DNAH11: variants seen among roughly 807,000 people sequenced by gnomAD.
DNAH11 encodes the protein dynein axonemal heavy chain 11, also known as axonemal beta dynein heavy chain 11.
DNAH11 carries 442 observed loss-of-function variants against 526.0 expected under a neutral mutation model. That is an observed-to-expected ratio of 0.84 (90% CI 0.78 to 0.91). The LOEUF (loss-of-function observed/expected upper bound fraction) is 0.91. DNAH11 is among the 40% of genes least tolerant of loss of function. The pLI, the probability that DNAH11 is intolerant of heterozygous loss-of-function variation, is 0.00. For missense variants in DNAH11, 6,989 were observed against 5,448.7 expected (o/e 1.28, Z -8.90); for synonymous variants, 2,461 against 1,935.9 (o/e 1.27, Z -7.12).
rs1026816105 is a variant in DNAH11, at chr7:21,861,907, A to G, written c.11257A>G (p.Met3753Val). 4 of 1,613,688 alleles carry G rather than the reference A, an allele frequency of 2.5e-6. No homozygotes were observed. Among genetic ancestry groups the G allele is most frequent in the Non-Finnish European group, 3.4e-6 (4 of 1,179,772 alleles). ...CGAGCAGGCTGACAAGGTGGAAGAC[A>G]TGCAGGGACGCATCTCTATCCTGAT... ...AIEQADKVEDMQGRISILMES... is the reference protein window; with the variant it reads ...AIEQADKVEDVQGRISILMES... The change falls in exon 69 of 82, where the codon ATG (methionine) becomes GTG (valine). Residue 3753 changes from methionine to valine, a missense_variant. Transcript: ENST00000409508.
rs1280186702 is a variant in DNAH11 at position 21,880,097 on chromosome 7, AAAAAG to A, written c.12196-601_12196-597del. On this transcript the variant is annotated intron_variant, in intron 74 of 81. Coordinates refer to ENST00000409508, the MANE Select transcript of DNAH11 (RefSeq NM_001277115.2). ...AAGACTCCGTCTCAAAAAAAAAAAA[AAAAAG>A]AAAGAAAGAAAAAAAGGGAAGAGTG... is the stretch of plus-strand genomic sequence containing the variant. Among the ~76,000 whole-genome samples, 76 of 152,028 alleles carry A rather than the reference AAAAAG, an allele frequency of 5.0e-4. No homozygotes were observed. The East Asian group carries it at 6.8e-3, about 14-fold the overall frequency.
At chr7:21,816,257 C>A (rs532214916) in intron 63 of DNAH11, among the ~76,000 whole-genome samples, 1 of 152,222 alleles carries the variant, frequency 6.6e-6, no homozygotes, top group South Asian at 2.1e-4. Context: ...TGTTGAATCC[C>A]ACAGTTCACA....
At chr7:21,595,041 G>T (rs1354257242) in intron 14 of DNAH11, among the ~76,000 whole-genome samples, 1 of 152,174 alleles carries the variant, frequency 6.6e-6, no homozygotes, top group Non-Finnish European at 1.5e-5. Context: ...TAATCTAGGG[G>T]TTCCGTATGT....
chr7:21,659,798 A>G (rs538887972), intron 30 of DNAH11, among the ~76,000 whole-genome samples: 34 of 152,242 alleles, frequency 2.2e-4, no homozygotes, highest in African/African-American at 7.5e-4. Flanking sequence ...CTGCTTTAGC[A>G]GTACTTTTAC....
At chr7:21,596,405 T>G (rs1784863637) in intron 14 of DNAH11, among the ~76,000 whole-genome samples, 1 of 152,190 alleles carries the variant, frequency 6.6e-6, no homozygotes, top group South Asian at 2.1e-4. Flanking sequence ...ATCTAGAAAT[T>G]AATTTGTTTT....
intron 2 of DNAH11, among the ~76,000 whole-genome samples, chr7:21,554,464 G>T (rs2128428840): frequency 6.6e-6 from 1 of 152,118 alleles, no homozygotes; most frequent in African/African-American, 2.4e-5. Flanking sequence ...CATGAGCCCT[G>T]CACCTGGCCC....
intron 2 of DNAH11, among the ~76,000 whole-genome samples, chr7:21,546,548 A>T (rs1340593791): frequency 1.3e-5 from 2 of 152,174 alleles, no homozygotes; most frequent in Non-Finnish European, 2.9e-5. Flanking sequence ...GCCTTTTTCA[A>T]ATTTCTCTAC....
intron 68 of DNAH11, among the ~76,000 whole-genome samples, chr7:21,856,016 T>C (rs1782833469): frequency 6.6e-6 from 1 of 152,012 alleles, no homozygotes; most frequent in Non-Finnish European, 1.5e-5. Flanking sequence ...TAAAGAGTGT[T>C]TGGAGAAAAC....
intron 36 of DNAH11, among the ~76,000 whole-genome samples, chr7:21,698,791 C>CT (rs554326315): frequency 3.5e-4 from 54 of 152,246 alleles, no homozygotes; most frequent in Non-Finnish European, 6.8e-4. Context: ...GTTCAAGTGT[C>CT]TTTTTCATAT....
chr7:21,851,659 G>A (rs1449329168), intron 66 of DNAH11: 1 of 471,216 alleles, frequency 2.1e-6, no homozygotes, highest in South Asian at 1.5e-5. Context: ...TCAAAGAAGT[G>A]TAGAGACTAC....
In DNAH11 at chr7:21,564,544, G is replaced by T. The variant is rs549830964; in HGVS notation, c.1194+147G>T. The T allele has an allele frequency of 6.7e-6, 4 of 594,144 alleles. No homozygotes were observed. The South Asian group carries it at 1.1e-4, about 17-fold the overall frequency. 36.8% of individuals were successfully genotyped at this position (594,144 alleles called of 1,614,324 possible). On this transcript the variant is annotated intron_variant, in intron 6 of 81. Transcript: ENST00000409508. Reference sequence around the variant, plus strand: ...AGGACATTTTTGGTAACAAAGGCCAGGTAACCTTTTAATCCTAAATGGCAG... The same window carrying T: ...AGGACATTTTTGGTAACAAAGGCCATGTAACCTTTTAATCCTAAATGGCAG...
chr7:21,900,383 C>G lies in DNAH11; in HGVS notation c.13303+263C>G, dbSNP rs529020996. The stretch of plus-strand genomic sequence containing the variant: ...AATGCCACTGAATAACATCATTAGA[C>G]TTAGACTGAATTTACATTCTTTTTG... On this transcript the variant is annotated intron_variant, in intron 81 of 81. Transcript: ENST00000409508. Among the ~76,000 whole-genome samples the G allele has an allele frequency of 1.5e-4, 22 of 151,428 alleles. 1 individual carries two copies. The highest frequency in any genetic ancestry group is 5.4e-4 in the African/African-American group (22 of 40,714).
chr7:21,749,830 A>T (rs1786331420), intron 53 of DNAH11, 29 bp downstream of exon 53: 2 of 1,611,590 alleles, frequency 1.2e-6, no homozygotes, highest in Admixed American at 3.3e-5. Context: ...TTCTTGAAAG[A>T]TCTTCCCCAA....
Position 21,863,280 on chromosome 7 carries a change from G to A in DNAH11, c.11374-1255G>A, listed in dbSNP as rs184832993. Among the ~76,000 whole-genome samples, 37 of 152,272 alleles carry A rather than the reference G, an allele frequency of 2.4e-4. No individual in the cohort carries two copies. The East Asian group carries it at 6.0e-3, about 25-fold the overall frequency. On this transcript the variant is annotated intron_variant, in intron 69 of 81. Transcript: ENST00000409508. Reference sequence around the variant, plus strand: ...TTTATACATATCTGCAGCTAATGATGAACTGTGTATGTAATAAACAGGAGC... The same window carrying A: ...TTTATACATATCTGCAGCTAATGATAAACTGTGTATGTAATAAACAGGAGC...
At chr7:21,630,953 T>C (rs938380568) in intron 25 of DNAH11, among the ~76,000 whole-genome samples, 1 of 152,222 alleles carries the variant, frequency 6.6e-6, no homozygotes, top group African/African-American at 2.4e-5. Flanking sequence ...TGTTAAGACT[T>C]GTTTTGTGGC....
rs201711952 is a variant in DNAH11 at position 21,786,301 on chromosome 7, C to CGTGTGTGTGT, written c.9598-323_9598-322insGTGTGTGTGT. 2.8e-3 allele frequency among the ~76,000 whole-genome samples: 321 copies of CGTGTGTGTGT among 115,694 alleles called. 1 individual carries two copies. Among genetic ancestry groups the CGTGTGTGTGT allele is most frequent in the Middle Eastern group, 0.012 (3 of 242 alleles). 75.9% of individuals were successfully genotyped at this position (115,694 alleles called of 152,430 possible). ...CTATAAATATCTTACAACATATACACATGTGTGTGTGTGTGTGTGTGTGTG... is the reference window on the plus strand; with the variant it reads ...CTATAAATATCTTACAACATATACACGTGTGTGTGTATGTGTGTGTGTGTGTGTGTGTGTG... On this transcript the variant is annotated intron_variant, in intron 58 of 81. Transcript: ENST00000409508.
intron 73 of DNAH11, among the ~76,000 whole-genome samples, chr7:21,872,121 C>G (rs1783517662): frequency 1.2e-4 from 1 of 8,006 alleles, no homozygotes; most frequent in Admixed American, 1.1e-3. Context: ...GAGACTCTGT[C>G]TCAAAAAAAA....
At chr7:21,671,619 T>C (rs777498403) in intron 30 of DNAH11, among the ~76,000 whole-genome samples, 3 of 152,176 alleles carry the variant, frequency 2.0e-5, no homozygotes, top group Non-Finnish European at 2.9e-5. Context: ...TTTGACGTTA[T>C]TGGTTTTCTC....
rs551651243 is a variant in DNAH11, at chr7:21,624,717, A to T, written c.4500+4639A>T. ...TTCAGCCTTTATTGTGCTGAAGTAC[A>T]TTCTTTATATGCCAATTTTGTTGGA... On this transcript the variant is annotated intron_variant, in intron 25 of 81. Transcript: ENST00000409508. 4.6e-5 allele frequency among the ~76,000 whole-genome samples: 7 copies of T among 152,262 alleles called. No homozygotes were observed. The South Asian group carries it at 1.4e-3, about 32-fold the overall frequency.
Sources: gnomAD v4.1 joint callset for allele counts (sites outside exome capture counted in the v4.1 genomes callset) on GRCh38, gnomAD v4.1.1 for gene constraint, MANE v1.5 for transcripts, NCBI Gene and HGNC (gene_info 2026-07-23, HGNC 2026-07-21) for gene names.